WDR64: variants seen among roughly 807,000 people sequenced by gnomAD.
WDR64 encodes WD repeat-containing protein 64.
In WDR64, 112 loss-of-function variants were observed where a neutral mutation model predicts 139.3. The ratio of observed to expected loss-of-function variants is 0.80; its 90% CI spans 0.69 to 0.94. The LOEUF (loss-of-function observed/expected upper bound fraction) is 0.94, where lower values mean the gene tolerates loss of function less well. WDR64 is among the 40% of genes least tolerant of loss of function. WDR64 has a pLI of 0.00. For synonymous variants in WDR64, 444 were observed against 437.7 expected, an observed-to-expected ratio of 1.01 and a Z score of -0.18; for missense variants, 1,206 against 1,293.1, an observed-to-expected ratio of 0.93 and a Z score of 1.03.
At chr1:241,746,273 A>AGG (rs1669751488) in intron 13 of WDR64, among the ~76,000 whole-genome samples, 1 of 152,094 alleles carries the variant, frequency 6.6e-6, no homozygotes, top group Non-Finnish European at 1.5e-5. Context: ...GTAGGGTTAA[A>AGG]GGAGGAGAGG....
chr1:241,762,552 CTT>C (rs747048779), intron 15 of WDR64, among the ~76,000 whole-genome samples: 5 of 152,006 alleles, frequency 3.3e-5, no homozygotes, highest in Non-Finnish European at 7.4e-5. Flanking sequence ...TCTTCACTAA[CTT>C]TTTTGATTTA....
At chr1:241,726,805 G>A (rs1476218409) in intron 10 of WDR64, among the ~76,000 whole-genome samples, 1 of 152,020 alleles carries the variant, frequency 6.6e-6, no homozygotes, top group Non-Finnish European at 1.5e-5. Context: ...TAACAAGATT[G>A]TGGATATACA....
At chr1:241,696,079 A>G (rs955167762) in intron 8 of WDR64, among the ~76,000 whole-genome samples, 6 of 127,800 alleles carry the variant, frequency 4.7e-5, no homozygotes, top group African/African-American at 1.8e-4. Flanking sequence ...ACACCACTGT[A>G]CTCCAGCCTG....
At chr1:241,769,303 ATT>A in intron 16 of WDR64, 99 bp from the exon 17 acceptor site, 1 of 857,536 alleles carries the variant, frequency 1.2e-6, no homozygotes, top group Non-Finnish European at 1.8e-6. Flanking sequence ...TAATATTAGC[ATT>A]TGAGGAATTG....
rs184036427 is a variant in WDR64 at position 241,775,712 on chromosome 1, T to C, written c.2536+502T>C. Among the ~76,000 whole-genome samples, 734 of 152,290 alleles carry C rather than the reference T, an allele frequency of 4.8e-3. 8 individuals carry two copies. Among genetic ancestry groups the C allele is most frequent in the African/African-American group, 0.017 (699 of 41,572 alleles). ...GCTTCTCTTCTGTCGTCTGAATTAA[T>C]CCTAAATTTTCTTTGCTTTCCTTTC... is the stretch of plus-strand genomic sequence containing the variant. On this transcript the variant is annotated intron_variant, in intron 21 of 27. Coordinates refer to ENST00000437684, the MANE Select transcript of WDR64 (RefSeq NM_001367482.1).
intron 8 of WDR64, among the ~76,000 whole-genome samples, chr1:241,701,309 G>A (rs1175713480): frequency 6.6e-6 from 1 of 151,898 alleles, no homozygotes; most frequent in Non-Finnish European, 1.5e-5. Flanking sequence ...CACACACAGA[G>A]CCATTCTTTG....
chr1:241,715,153 G>A (rs73141032), intron 9 of WDR64, among the ~76,000 whole-genome samples: 3,418 of 152,260 alleles, frequency 0.022, 130 homozygotes, highest in African/African-American at 0.078. Flanking sequence ...GGGAGTCATG[G>A]CTTGGGTAGG....
At chr1:241,682,135 T>C (rs1666823026) in intron 6 of WDR64, among the ~76,000 whole-genome samples, 1 of 152,216 alleles carries the variant, frequency 6.6e-6, no homozygotes, top group South Asian at 2.1e-4. Context: ...CTTAATTAAG[T>C]CCCAGCTATT....
At chr1:241,677,524 T>G (rs749595392) in intron 4 of WDR64, 3 of 398,558 alleles carry the variant, frequency 7.5e-6, no homozygotes, top group Non-Finnish European at 1.3e-5. Flanking sequence ...AGAAACAAGG[T>G]CAGTGAAATA....
chr1:241,773,395 C>T (rs1159223809), intron 20 of WDR64, among the ~76,000 whole-genome samples: 1 of 152,170 alleles, frequency 6.6e-6, no homozygotes, highest in African/African-American at 2.4e-5. Context: ...GTGAATCCGG[C>T]ATGAAGATTT....
intron 19 of WDR64, 113 bp from the exon 20 acceptor site, chr1:241,772,679 T>A: frequency 9.0e-7 from 1 of 1,108,876 alleles, no homozygotes; most frequent in Non-Finnish European, 1.2e-6. Context: ...GCCAGGCTGA[T>A]CTGGAACTCC....
At chr1:241,708,830 G>A (rs1668061779) in intron 8 of WDR64, among the ~76,000 whole-genome samples, 1 of 151,368 alleles carries the variant, frequency 6.6e-6, no homozygotes, top group South Asian at 2.1e-4. Flanking sequence ...GTGAGCCACT[G>A]CACCCAGCCT....
chr1:241,770,569 A>C, intron 17 of WDR64, 52 bp from the exon 18 acceptor site: 1 of 1,467,168 alleles, frequency 6.8e-7, no homozygotes, highest in Non-Finnish European at 9.3e-7. Flanking sequence ...CCCTTTGAGT[A>C]TGGTAGCATA....
intron 14 of WDR64, among the ~76,000 whole-genome samples, chr1:241,755,877 T>C (rs185638134): frequency 6.6e-6 from 1 of 152,336 alleles, no homozygotes; most frequent in East Asian, 1.9e-4. Flanking sequence ...GTTGTAGATG[T>C]GTGGCATTAT....
intron 6 of WDR64, 103 bp downstream of exon 6, chr1:241,679,698 A>C (rs551771754): frequency 3.5e-5 from 33 of 937,724 alleles, no homozygotes; most frequent in Admixed American, 1.6e-4. Context: ...TTCTTCATCT[A>C]TAAAATGAGA....
At chr1:241,719,851 T>A (rs1668541528) in intron 9 of WDR64, among the ~76,000 whole-genome samples, 1 of 152,180 alleles carries the variant, frequency 6.6e-6, no homozygotes, top group Non-Finnish European at 1.5e-5. Context: ...GATGTGCAGG[T>A]TTGTTACATA....
intron 8 of WDR64, among the ~76,000 whole-genome samples, chr1:241,696,993 C>A (rs1667518184): frequency 1.3e-5 from 2 of 152,028 alleles, no homozygotes; most frequent in South Asian, 4.1e-4. Context: ...TTTTGTCAGC[C>A]CTCTCCTCTA....
chr1:241,771,004 C>A (rs1462748920), intron 18 of WDR64, among the ~76,000 whole-genome samples: 1 of 152,034 alleles, frequency 6.6e-6, no homozygotes, highest in Non-Finnish European at 1.5e-5. Flanking sequence ...TAATTTTAGA[C>A]CATCTCTTTT....
intron 8 of WDR64, among the ~76,000 whole-genome samples, chr1:241,704,188 A>G (rs775468449): frequency 3.3e-5 from 5 of 152,216 alleles, no homozygotes; most frequent in Non-Finnish European, 5.9e-5. Flanking sequence ...GTCCTGGCCA[A>G]GAGGACAGTC....
Sources: gnomAD v4.1 joint callset for allele counts (sites outside exome capture counted in the v4.1 genomes callset) on GRCh38, gnomAD v4.1.1 for gene constraint, MANE v1.5 for transcripts, NCBI Gene and HGNC (gene_info 2026-07-23, HGNC 2026-07-21) for gene names.